C16orf96: variants seen among roughly 807,000 people sequenced by gnomAD.
C16orf96 encodes chromosome 16 open reading frame 96, also known as uncharacterized protein C16orf96.
C16orf96 carries 108 observed loss-of-function variants against 103.6 expected under a neutral mutation model. The ratio of observed to expected loss-of-function variants is 1.04; its 90% CI spans 0.89 to 1.22. The LOEUF (loss-of-function observed/expected upper bound fraction) is 1.22, where lower values mean the gene tolerates loss of function less well. Ranked by LOEUF, C16orf96 falls within the 50% of genes most tolerant of loss-of-function variation. The probability of loss-of-function intolerance (pLI) is 0.00; values close to 1 mark genes in which losing one functional copy is unlikely to be tolerated. For missense variants in C16orf96, 1,586 were observed against 1,464.2 expected, an observed-to-expected ratio of 1.08 and a Z score of -1.36; for synonymous variants, 566 against 593.5, an observed-to-expected ratio of 0.95 and a Z score of 0.67.
Position 4,556,739 on chromosome 16 carries a change from G to T in C16orf96, c.250G>T (p.Val84Leu), listed in dbSNP as rs1004331792. 2.6e-6 allele frequency: 4 copies of T among 1,551,496 alleles called. No individual in the cohort carries two copies. Among genetic ancestry groups the T allele is most frequent in the Non-Finnish European group, 3.5e-6 (4 of 1,147,002 alleles). The stretch of plus-strand genomic sequence containing the variant: ...GAGGCTCAGCAATGTCTTCGACCAC[G>T]TGGTGAGCCGCCTCGACAAGTTGGA... ...MKRLSNVFDH[V>L]VSRLDKLENQ... Residue 84 changes from valine (V) to leucine (L), a missense_variant, in exon 1 of 16, where the codon GTG becomes TTG. Physicochemically the swap from Val to Leu is conservative, Grantham distance 32. Transcript: ENST00000444310.
intron 6 of C16orf96, among the ~76,000 whole-genome samples, chr16:4,579,352 A>C (rs1224484871): frequency 6.6e-6 from 1 of 152,086 alleles, no homozygotes; most frequent in Non-Finnish European, 1.5e-5. Flanking sequence ...CAGGAGTTCA[A>C]GACCAGCCTG....
At chr16:4,579,772 T>C (rs1394464743) in intron 6 of C16orf96, among the ~76,000 whole-genome samples, 1 of 151,962 alleles carries the variant, frequency 6.6e-6, no homozygotes, top group Non-Finnish European at 1.5e-5. Context: ...CCACCACACC[T>C]GGCTAATTTT....
rs1897096172 is a variant in C16orf96 at position 4,593,108 on chromosome 16, C to T, written c.2775-116C>T. ...GCTTCTGGCATTCGAGGGTGGTGAC[C>T]TGAGTCTGCACCTCCTTCCTCCTGC... is the stretch of plus-strand genomic sequence containing the variant. On this transcript the variant is annotated intron_variant, in intron 11 of 15. Coordinates refer to ENST00000444310, the MANE Select transcript of C16orf96 (RefSeq NM_001145011.2). The surrounding 1 kb of genome is among the most constrained non-coding windows in gnomAD (Gnocchi z 4.2). 16 of 998,114 alleles carry T rather than the reference C, an allele frequency of 1.6e-5. No homozygotes were observed. Among genetic ancestry groups the T allele is most frequent in the Middle Eastern group, 2.1e-4 (1 of 4,776 alleles). The allele number at this position is 998,114 out of a possible 1,614,324, so 61.8% of individuals were successfully genotyped here.
At chr16:4,584,523 G>GT (rs1475620407) in intron 7 of C16orf96, among the ~76,000 whole-genome samples, 2 of 149,370 alleles carry the variant, frequency 1.3e-5, no homozygotes, top group Non-Finnish European at 3.0e-5. Context: ...AATTTTTGTG[G>GT]TTTTTTTGGT....
upstream of C16orf96, among the ~76,000 whole-genome samples, chr16:4,552,660 A>C (rs546030318): frequency 1.3e-5 from 2 of 152,070 alleles, no homozygotes; most frequent in Non-Finnish European, 2.9e-5. Context: ...TGCATGGTGT[A>C]TGTCAATTCC....
chr16:4,553,068 G>A (rs2059237627), upstream of C16orf96, among the ~76,000 whole-genome samples: 1 of 152,156 alleles, frequency 6.6e-6, no homozygotes, highest in Admixed American at 6.6e-5. Context: ...AAGAGCTTCA[G>A]GAATGCCCTC....
At chr16:4,554,696 A>C (rs1242257116), upstream of C16orf96, among the ~76,000 whole-genome samples, 1 of 151,090 alleles carries the variant, frequency 6.6e-6, no homozygotes, top group Non-Finnish European at 1.5e-5. Context: ...CTCTGTCACC[A>C]GGCTGGAGTG....
chr16:4,584,325 C>A (rs532437743), intron 7 of C16orf96, among the ~76,000 whole-genome samples: 2 of 149,680 alleles, frequency 1.3e-5, no homozygotes, highest in South Asian at 2.1e-4. Flanking sequence ...GTAGCTGGGA[C>A]TACAGGCGTG....
chr16:4,556,219 G>A (rs936348256), upstream of C16orf96, among the ~76,000 whole-genome samples: 10 of 152,140 alleles, frequency 6.6e-5, no homozygotes, highest in African/African-American at 2.4e-4. Flanking sequence ...TATTAACTGA[G>A]CACCTACTCT....
the C16orf96 span, among the ~76,000 whole-genome samples, chr16:4,545,471 C>T: frequency 1.3e-5 from 2 of 152,212 alleles, no homozygotes; most frequent in African/African-American, 2.4e-5. Context: ...GGATTACAGG[C>T]GTGAGCCGCT....
At chr16:4,572,547 C>T (rs1269962611) in intron 2 of C16orf96, among the ~76,000 whole-genome samples, 5 of 151,974 alleles carry the variant, frequency 3.3e-5, no homozygotes, top group South Asian at 2.1e-4. Flanking sequence ...TTGATCCGCC[C>T]GCCTCAGCCT....
the C16orf96 span, among the ~76,000 whole-genome samples, chr16:4,539,395 A>T: frequency 3.4e-3 from 519 of 152,336 alleles, 2 homozygotes; most frequent in African/African-American, 0.012. Flanking sequence ...TAGACATTAT[A>T]GTTTAGGGCC....
the C16orf96 span, among the ~76,000 whole-genome samples, chr16:4,549,117 A>G: frequency 1.1e-4 from 16 of 152,212 alleles, no homozygotes; most frequent in East Asian, 1.9e-4. Context: ...AAAAGTGCAT[A>G]TGAGTGTTAA....
intron 10 of C16orf96, 98 bp downstream of exon 10, chr16:4,591,882 G>A: frequency 1.1e-6 from 1 of 942,156 alleles, no homozygotes; most frequent in South Asian, 1.4e-5. Context: ...CCAGACCTTT[G>A]GATGAGGGGA....
At chr16:4,599,660 C>T (rs1160396382) in intron 15 of C16orf96, among the ~76,000 whole-genome samples, 1 of 152,236 alleles carries the variant, frequency 6.6e-6, no homozygotes, top group East Asian at 1.9e-4. Flanking sequence ...TAGCAGGCAC[C>T]TGAGGGTACT....
chr16:4,576,122 G>A lies in C16orf96; in HGVS notation c.1642G>A (p.Ala548Thr), dbSNP rs2059504168. 3 of 1,551,522 alleles carry A rather than the reference G, an allele frequency of 1.9e-6. No individual in the cohort carries two copies. Among genetic ancestry groups the A allele is most frequent in the African/African-American group, 2.7e-5 (2 of 73,178 alleles). ...CAAGGATAGAGTTGGCAAGGATGGG[G>A]CCCCCAAGGAAGCACAGCCTAAGGC... ...DPKDRVGKDG[A>T]PKEAQPKAPQ... Residue 548 changes from alanine to threonine, a missense_variant, in exon 5 of 16, where the codon GCC becomes ACC. By Grantham distance (58) the Ala-to-Thr change is moderately conservative (BLOSUM62 0). Transcript: ENST00000444310.
chr16:4,559,109 C>T (rs1375975727), intron 1 of C16orf96, among the ~76,000 whole-genome samples: 1 of 152,006 alleles, frequency 6.6e-6, no homozygotes, highest in Non-Finnish European at 1.5e-5. Flanking sequence ...CCAGCGATGA[C>T]TGCCTTCCTA....
the C16orf96 span, among the ~76,000 whole-genome samples, chr16:4,547,299 G>GC: frequency 6.6e-6 from 1 of 152,174 alleles, no homozygotes; most frequent in Non-Finnish European, 1.5e-5. Flanking sequence ...ACCACACCCA[G>GC]CTAATTTTTG....
At chr16:4,591,906 G>A in intron 10 of C16orf96, 122 bp downstream of exon 10, 3 of 800,548 alleles carry the variant, frequency 3.7e-6, no homozygotes, top group South Asian at 1.6e-5. Context: ...GGGCTTGGCT[G>A]TGGCTGAAAG....
Sources: allele counts gnomAD v4.1 joint callset (sites outside exome capture counted in the v4.1 genomes callset), GRCh38; gene constraint gnomAD v4.1.1; non-coding constraint Gnocchi (gnomAD v3.1); transcripts MANE v1.5; gene names NCBI Gene and HGNC (gene_info 2026-07-23, HGNC 2026-07-21).